The following GRIN2B variants were observed in gnomAD, a reference collection of about 807,000 sequenced individuals.
GRIN2B encodes the protein glutamate ionotropic receptor NMDA type subunit 2B.
In GRIN2B, 5 loss-of-function variants were observed where a neutral mutation model predicts 114.5. The ratio of observed to expected loss-of-function variants is 0.04; its 90% CI spans 0.02 to 0.09. The LOEUF is 0.09. Ranked by LOEUF, GRIN2B falls within the 10% of genes least tolerant of loss-of-function variation. The pLI is 1.00. For synonymous variants in GRIN2B, 787 were observed against 745.1 expected (o/e 1.06, Z -0.92); for missense variants, 1,108 against 1,943.5 (o/e 0.57, Z 8.08).
At chr12:13,723,738 G>A (rs1414479980) in intron 4 of GRIN2B, among the ~76,000 whole-genome samples, 2 of 152,038 alleles carry the variant, frequency 1.3e-5, no homozygotes, top group Non-Finnish European at 2.9e-5. Flanking sequence ...GTAACGTATT[G>A]GGTTATGTGG....
intron 2 of GRIN2B, among the ~76,000 whole-genome samples, chr12:13,901,473 A>G (rs1284591890): frequency 6.6e-6 from 1 of 152,122 alleles, no homozygotes; most frequent in Non-Finnish European, 1.5e-5. Context: ...AGTGTTGTCT[A>G]TCTAATATGG....
intron 4 of GRIN2B, among the ~76,000 whole-genome samples, chr12:13,724,879 C>A (rs1404836383): frequency 6.6e-6 from 1 of 152,152 alleles, no homozygotes; most frequent in Admixed American, 6.6e-5. Flanking sequence ...TGGGACTGCA[C>A]AGGGCCCTAC....
rs751654431 is a variant in GRIN2B, at chr12:13,780,789, ATTCTT to A, written c.412-26879_412-26875del. Among the ~76,000 whole-genome samples the A allele has an allele frequency of 1.5e-3, 219 of 146,622 alleles. 2 individuals carry two copies. Among genetic ancestry groups the A allele is most frequent in the Non-Finnish European group, 5.4e-4 (36 of 67,068 alleles). On this transcript the variant is annotated intron_variant, in intron 3 of 13. Transcript: ENST00000609686. ...ACATTACTTGTGGAGAAAAAAATGG[ATTCTT>A]TTCAAGGCCCAGAAAAGGTATTGTA...
chr12:13,914,285 T>G (rs1425878565), intron 2 of GRIN2B, among the ~76,000 whole-genome samples: 1 of 152,206 alleles, frequency 6.6e-6, no homozygotes, highest in African/African-American at 2.4e-5. Context: ...AGCATCAGGT[T>G]CCAGCTTGCA....
chr12:13,681,561 A>T (rs750017874), intron 4 of GRIN2B, among the ~76,000 whole-genome samples: 1 of 152,098 alleles, frequency 6.6e-6, no homozygotes, highest in Non-Finnish European at 1.5e-5. Flanking sequence ...TGCATGTGTC[A>T]CCTTCTAAAG....
intron 4 of GRIN2B, among the ~76,000 whole-genome samples, chr12:13,713,732 T>C (rs1950433428): frequency 6.6e-6 from 1 of 151,728 alleles, no homozygotes; most frequent in Admixed American, 6.6e-5. Flanking sequence ...ACGTAGAGAG[T>C]GGGGCAAAAG....
In GRIN2B at chr12:13,941,343, C is replaced by T. The variant is rs559879623; in HGVS notation, c.-19+38585G>A. Among the ~76,000 whole-genome samples, 14 of 152,280 alleles carry T rather than the reference C, an allele frequency of 9.2e-5. No individual in the cohort carries two copies. The East Asian group carries it at 2.7e-3, about 29-fold the overall frequency. On this transcript the variant is annotated intron_variant, in intron 2 of 13. Coordinates refer to ENST00000609686, the MANE Select transcript of GRIN2B (RefSeq NM_000834.5). ...ACAAACCTTGCAGCCAGAAAGTTGT[C>T]CCAGAAGAAAAGCTGACAACTCCAG...
intron 4 of GRIN2B, among the ~76,000 whole-genome samples, chr12:13,709,522 G>A (rs1333339608): frequency 1.3e-5 from 2 of 151,878 alleles, no homozygotes; most frequent in Non-Finnish European, 2.9e-5. Context: ...ACAATATAAT[G>A]GTTAATATAA....
At chr12:13,643,878 A>T (rs1340143631) in intron 5 of GRIN2B, among the ~76,000 whole-genome samples, 3 of 152,160 alleles carry the variant, frequency 2.0e-5, no homozygotes, top group Non-Finnish European at 4.4e-5. Flanking sequence ...CAATGCAGTC[A>T]CATCTTCAGG....
At chr12:13,713,089 T>G (rs1370119738) in intron 4 of GRIN2B, among the ~76,000 whole-genome samples, 1 of 151,850 alleles carries the variant, frequency 6.6e-6, no homozygotes, top group Admixed American at 6.6e-5. Flanking sequence ...ATAGGCAGGA[T>G]AGAAGTAATT....
intron 10 of GRIN2B, among the ~76,000 whole-genome samples, chr12:13,598,260 C>G (rs1243257505): frequency 6.6e-6 from 1 of 152,216 alleles, no homozygotes; most frequent in East Asian, 1.9e-4. Context: ...GGACAGCACC[C>G]CTCCTGACTC....
intron 3 of GRIN2B, among the ~76,000 whole-genome samples, chr12:13,765,197 T>G (rs891749025): frequency 3.3e-5 from 5 of 152,242 alleles, no homozygotes; most frequent in African/African-American, 1.2e-4. Context: ...AACTCTCTGT[T>G]AAATGCCAGC....
rs1042835482 is a variant in GRIN2B at position 13,561,222 on chromosome 12, A to G, written c.*1561T>C. The G allele has an allele frequency of 1.3e-5, 2 of 152,032 alleles. No individual in the cohort carries two copies. Among genetic ancestry groups the G allele is most frequent in the Admixed American group, 1.3e-4 (2 of 15,254 alleles). 9.4% of individuals were successfully genotyped at this position (152,032 alleles called of 1,614,324 possible). Reference sequence around the variant, plus strand: ...TCTTTTTTTATTCCTCAATGGTACAATCTGAGAGGGAAACAAGGTGTTGCA... The same window carrying G: ...TCTTTTTTTATTCCTCAATGGTACAGTCTGAGAGGGAAACAAGGTGTTGCA... On this transcript the variant is annotated 3_prime_UTR_variant, in exon 14 of 14. Coordinates refer to ENST00000609686, the MANE Select transcript of GRIN2B (RefSeq NM_000834.5).
chr12:13,814,243 A>C (rs1250824202), intron 3 of GRIN2B, among the ~76,000 whole-genome samples: 1 of 152,228 alleles, frequency 6.6e-6, no homozygotes, highest in Non-Finnish European at 1.5e-5. Flanking sequence ...TCCGTGTTAG[A>C]GTATTCCTCA....
chr12:13,669,669 T>C (rs911409156), intron 5 of GRIN2B, among the ~76,000 whole-genome samples: 17 of 152,144 alleles, frequency 1.1e-4, no homozygotes, highest in African/African-American at 4.1e-4. Context: ...CAGTGATGTC[T>C]CACACCATGC....
intron 3 of GRIN2B, among the ~76,000 whole-genome samples, chr12:13,778,128 C>A (rs965753538): frequency 6.6e-6 from 1 of 152,194 alleles, no homozygotes; most frequent in African/African-American, 2.4e-5. Flanking sequence ...TTGTTCCACA[C>A]CTCTGACCCG....
intron 8 of GRIN2B, among the ~76,000 whole-genome samples, chr12:13,612,689 A>G (rs1462338358): frequency 1.3e-5 from 2 of 152,200 alleles, no homozygotes; most frequent in African/African-American, 2.4e-5. Context: ...ATCCTTTCCA[A>G]TTGAGCTAAA....
At chr12:13,801,560 T>C (rs1039889455) in intron 3 of GRIN2B, among the ~76,000 whole-genome samples, 1 of 152,118 alleles carries the variant, frequency 6.6e-6, no homozygotes, top group African/African-American at 2.4e-5. Flanking sequence ...AACAAAGTCT[T>C]GGCCAAACAA....
chr12:13,801,949 A>G (rs577485092), intron 3 of GRIN2B, among the ~76,000 whole-genome samples: 1 of 152,160 alleles, frequency 6.6e-6, no homozygotes, highest in East Asian at 1.9e-4. Flanking sequence ...AGACAGGGAC[A>G]CTTACCTTGG....
Sources: allele counts gnomAD v4.1 joint callset (sites outside exome capture counted in the v4.1 genomes callset), GRCh38; gene constraint gnomAD v4.1.1; transcripts MANE v1.5; gene names NCBI Gene and HGNC (gene_info 2026-07-23, HGNC 2026-07-21).